Variants in PDE11A observed in about 807,000 individuals in gnomAD.
The protein encoded by PDE11A is dual 3',5'-cyclic-AMP and -GMP phosphodiesterase 11A.
In PDE11A, 100 loss-of-function variants were observed where a neutral mutation model predicts 100.5. That is an observed-to-expected ratio of 1.00 (90% CI 0.85 to 1.18). The LOEUF is 1.18. PDE11A is among the 50% of genes most tolerant of loss of function. The pLI is 0.00. For synonymous variants in PDE11A, 381 were observed against 420.8 expected, an observed-to-expected ratio of 0.91 and a Z score of 1.16; for missense variants, 1,141 against 1,152.6, an observed-to-expected ratio of 0.99 and a Z score of 0.15.
At chr2:177,901,603 T>C (rs1029052145) in intron 3 of PDE11A, among the ~76,000 whole-genome samples, 1 of 152,162 alleles carries the variant, frequency 6.6e-6, no homozygotes, top group East Asian at 1.9e-4. Context: ...AACAGGAACA[T>C]CAAAAGGTGA....
intron 2 of PDE11A, among the ~76,000 whole-genome samples, chr2:177,910,004 T>C (rs2084853515): frequency 6.6e-6 from 1 of 152,242 alleles, no homozygotes; most frequent in Admixed American, 6.5e-5. Flanking sequence ...CTTTATGTCA[T>C]TGGTAGCCAA....
At position 177,816,981 on chromosome 2, in the gene PDE11A, T is replaced by TG. The variant is rs1261396365; in HGVS notation, c.1645-61dup. 4 of 969,952 alleles carry TG rather than the reference T, an allele frequency of 4.1e-6. No individual in the cohort carries two copies. In the Admixed American group the frequency reaches 5.1e-5, roughly 12 times the overall value. 60.1% of individuals were successfully genotyped at this position (969,952 alleles called of 1,614,324 possible). On this transcript the variant is annotated intron_variant, in intron 8 of 19. Coordinates refer to ENST00000286063, the MANE Select transcript of PDE11A (RefSeq NM_016953.4). ...AGCAACTCATTGGCAAAATCTAATA[T>TG]GAAAGCAGGCAGCCACCAGGGATGG...
In PDE11A at chr2:177,625,346, A is replaced by C. The variant is rs191574205; in HGVS notation, c.*4061T>G. 2 of 152,722 alleles carry C rather than the reference A, an allele frequency of 1.3e-5. No individual in the cohort carries two copies. The highest frequency in any genetic ancestry group is 3.9e-4 in the East Asian group (2 of 5,186). 9.5% of individuals were successfully genotyped at this position (152,722 alleles called of 1,614,324 possible). ...TGAATAAAAGTCAGTGCTTTTATGTAATAGATGGAGATTCTAAGACTTGGA... is the reference window on the plus strand; with the variant it reads ...TGAATAAAAGTCAGTGCTTTTATGTCATAGATGGAGATTCTAAGACTTGGA... On this transcript the variant is annotated 3_prime_UTR_variant, in exon 20 of 20. Coordinates refer to ENST00000286063, the MANE Select transcript of PDE11A (RefSeq NM_016953.4).
chr2:177,764,102 A>G (rs2105494274), intron 10 of PDE11A, among the ~76,000 whole-genome samples: 1 of 152,344 alleles, frequency 6.6e-6, no homozygotes, highest in South Asian at 2.1e-4. Context: ...CCTATTGCTC[A>G]GTCTGCAAAG....
At chr2:177,766,506 G>C (rs1263195130) in intron 10 of PDE11A, among the ~76,000 whole-genome samples, 1 of 152,162 alleles carries the variant, frequency 6.6e-6, no homozygotes, top group African/African-American at 2.4e-5. Flanking sequence ...AGTACTGCAG[G>C]TAGGAAGAAT....
At chr2:177,644,521 C>G (rs2080191425) in intron 19 of PDE11A, among the ~76,000 whole-genome samples, 1 of 152,220 alleles carries the variant, frequency 6.6e-6, no homozygotes, top group African/African-American at 2.4e-5. Context: ...AAGTAACTAA[C>G]TTGCTTTTGA....
intron 5 of PDE11A, among the ~76,000 whole-genome samples, chr2:177,853,839 T>G (rs1339935830): frequency 6.9e-6 from 1 of 144,190 alleles, no homozygotes; most frequent in Non-Finnish European, 1.5e-5. Flanking sequence ...TGTATATATA[T>G]CTATATATGT....
chr2:177,997,785 C>T, intron 2 of PDE11A: 1 of 1,318,060 alleles, frequency 7.6e-7, no homozygotes, highest in Non-Finnish European at 1.1e-6. Flanking sequence ...CACCAGCATT[C>T]CCTCCATTTT....
intron 2 of PDE11A, among the ~76,000 whole-genome samples, chr2:177,995,845 T>C (rs1440579043): frequency 6.6e-6 from 1 of 152,226 alleles, no homozygotes; most frequent in East Asian, 1.9e-4. Context: ...TTCTAAATTA[T>C]ACTATCTCTT....
At chr2:177,968,077 C>T (rs1047462333) in intron 2 of PDE11A, among the ~76,000 whole-genome samples, 4 of 152,198 alleles carry the variant, frequency 2.6e-5, no homozygotes, top group African/African-American at 7.2e-5. Context: ...CACACCCTCT[C>T]AGCTGGGAGA....
chr2:177,654,255 C>G (rs1275122584), intron 19 of PDE11A, among the ~76,000 whole-genome samples: 1 of 152,240 alleles, frequency 6.6e-6, no homozygotes, highest in African/African-American at 2.4e-5. Context: ...TGCGGTGGCT[C>G]ATGCCTGTAA....
At chr2:177,745,027 T>A (rs2081928883) in intron 10 of PDE11A, among the ~76,000 whole-genome samples, 2 of 152,240 alleles carry the variant, frequency 1.3e-5, no homozygotes, top group Admixed American at 1.3e-4. Context: ...CAACATAACC[T>A]AGTGAAAGTT....
chr2:178,076,560 C>A (rs2087210163), upstream of PDE11A, among the ~76,000 whole-genome samples: 1 of 152,172 alleles, frequency 6.6e-6, no homozygotes, highest in South Asian at 2.1e-4. Flanking sequence ...CCACCCTTAG[C>A]AACATCTCAC....
rs1168281471 is a variant in PDE11A at position 177,770,100 on chromosome 2, G to C, written c.1738-727C>G. On this transcript the variant is annotated intron_variant, in intron 9 of 19. Coordinates refer to ENST00000286063, the MANE Select transcript of PDE11A (RefSeq NM_016953.4). Reference sequence around the variant, plus strand: ...TTATTATATTAGGAAAGATTATATTGATATATATCTGTGACCCCTTTTGTA... The same window carrying C: ...TTATTATATTAGGAAAGATTATATTCATATATATCTGTGACCCCTTTTGTA... Among the ~76,000 whole-genome samples the C allele has an allele frequency of 2.6e-5, 4 of 152,064 alleles. No homozygotes were observed. The South Asian group carries it at 6.2e-4, about 24-fold the overall frequency.
At chr2:177,815,964 A>G (rs1243196386) in intron 9 of PDE11A, among the ~76,000 whole-genome samples, 1 of 152,146 alleles carries the variant, frequency 6.6e-6, no homozygotes, top group Non-Finnish European at 1.5e-5. Flanking sequence ...TAATCCCAGC[A>G]CTTTGGGAGG....
intron 4 of PDE11A, among the ~76,000 whole-genome samples, chr2:177,878,237 T>C (rs1262978963): frequency 2.0e-5 from 3 of 152,178 alleles, no homozygotes; most frequent in African/African-American, 7.2e-5. Context: ...AAATTTTATT[T>C]TCCAAAGATG....
intron 5 of PDE11A, among the ~76,000 whole-genome samples, chr2:177,855,225 T>C: frequency 6.6e-6 from 1 of 152,054 alleles, no homozygotes. Flanking sequence ...CTCATATCAG[T>C]GTGTAAGTTT....
At chr2:177,983,743 A>C (rs2085910308) in intron 2 of PDE11A, among the ~76,000 whole-genome samples, 1 of 152,226 alleles carries the variant, frequency 6.6e-6, no homozygotes, top group African/African-American at 2.4e-5. Flanking sequence ...TGATGAATTT[A>C]TCATTGAACT....
At chr2:177,840,424 CG>C in intron 5 of PDE11A, 41 bp from the exon 6 acceptor site, 1 of 1,600,840 alleles carries the variant, frequency 6.2e-7, no homozygotes, top group Non-Finnish European at 8.6e-7. Flanking sequence ...AAGAGAGAAA[CG>C]TAAGTTTTCT....
Sources: allele counts gnomAD v4.1 joint callset (sites outside exome capture counted in the v4.1 genomes callset), GRCh38; gene constraint gnomAD v4.1.1; transcripts MANE v1.5; gene names NCBI Gene and HGNC (gene_info 2026-07-23, HGNC 2026-07-21).